The following PTPRT variants were observed in gnomAD, a reference collection of about 807,000 sequenced individuals.
PTPRT encodes the protein protein tyrosine phosphatase receptor type T.
Under a neutral mutation model 176.8 loss-of-function variants are expected in PTPRT, and 56 were observed. The observed-to-expected ratio is 0.32, with a 90% confidence interval of 0.26 to 0.40. PTPRT has a LOEUF of 0.40. Among genes scored for constraint, PTPRT ranks in the 10% least tolerant of loss-of-function variants. PTPRT has a pLI of 1.00. For missense variants in PTPRT, 1,540 were observed against 1,908.2 expected, an observed-to-expected ratio of 0.81 and a Z score of 3.60; for synonymous variants, 783 against 739.0, an observed-to-expected ratio of 1.06 and a Z score of -0.96.
chr20:42,070,303 G>A (rs767740542), downstream of PTPRT, among the ~76,000 whole-genome samples: 1 of 151,604 alleles, frequency 6.6e-6, no homozygotes, highest in Non-Finnish European at 1.5e-5. Context: ...AGTCAAACCA[G>A]AGCTACCAAT....
intron 21 of PTPRT, 73 bp from the exon 22 acceptor site, chr20:42,115,388 G>T: frequency 8.7e-7 from 1 of 1,149,460 alleles, no homozygotes. Flanking sequence ...CTGAGTGTGA[G>T]CAGCTGTCTC....
chr20:42,904,599 G>A (rs2079449614), intron 1 of PTPRT, among the ~76,000 whole-genome samples: 1 of 152,146 alleles, frequency 6.6e-6, no homozygotes, highest in South Asian at 2.1e-4. Flanking sequence ...GGAAGTGCTG[G>A]GAAGAGAAGG....
At chr20:42,893,864 G>A (rs1473077960) in intron 1 of PTPRT, among the ~76,000 whole-genome samples, 9 of 151,792 alleles carry the variant, frequency 5.9e-5, no homozygotes, top group Non-Finnish European at 1.3e-4. Context: ...ACTGTTGTGG[G>A]GTGGGGGGAG....
chr20:42,522,221 T>A (rs1216176102), intron 7 of PTPRT, among the ~76,000 whole-genome samples: 1 of 150,310 alleles, frequency 6.7e-6, no homozygotes, highest in Non-Finnish European at 1.5e-5. Flanking sequence ...CAGGCACTAG[T>A]GGTTGTGTGA....
chr20:42,888,358 AAAG>A (rs2079136227), intron 1 of PTPRT, among the ~76,000 whole-genome samples: 1 of 152,106 alleles, frequency 6.6e-6, no homozygotes, highest in South Asian at 2.1e-4. Flanking sequence ...CCAAAGAAAG[AAAG>A]AAGAAGCATA....
At chr20:42,348,558 T>C (rs1347376001) in intron 11 of PTPRT, among the ~76,000 whole-genome samples, 2 of 152,166 alleles carry the variant, frequency 1.3e-5, no homozygotes, top group Non-Finnish European at 2.9e-5. Context: ...TCAACTGACT[T>C]AGCTTCTGTT....
At chr20:42,316,618 A>C (rs932045650) in intron 11 of PTPRT, among the ~76,000 whole-genome samples, 1 of 152,186 alleles carries the variant, frequency 6.6e-6, no homozygotes, top group Non-Finnish European at 1.5e-5. Flanking sequence ...TGAACTCCTA[A>C]TCTTGGCATT....
At chr20:42,934,287 AAAC>A (rs2145978365) in intron 1 of PTPRT, among the ~76,000 whole-genome samples, 1 of 152,360 alleles carries the variant, frequency 6.6e-6, no homozygotes, top group South Asian at 2.1e-4. Flanking sequence ...TAGCTGAGGG[AAAC>A]AACAAGAGTA....
At chr20:42,904,718 C>T (rs1197773607) in intron 1 of PTPRT, among the ~76,000 whole-genome samples, 1 of 152,106 alleles carries the variant, frequency 6.6e-6, no homozygotes, top group Admixed American at 6.5e-5. Context: ...CACCACACCC[C>T]CATCCTGTGC....
chr20:43,137,245 G>T (rs1285778944), intron 1 of PTPRT, among the ~76,000 whole-genome samples: 1 of 152,146 alleles, frequency 6.6e-6, no homozygotes, highest in African/African-American at 2.4e-5. Context: ...AATGACAGAG[G>T]TCTCCTGACC....
At chr20:42,597,231 G>T (rs2073686941) in intron 7 of PTPRT, among the ~76,000 whole-genome samples, 1 of 152,150 alleles carries the variant, frequency 6.6e-6, no homozygotes, top group Non-Finnish European at 1.5e-5. Context: ...CTTTTAAAAT[G>T]TCTCAGTTGA....
chr20:42,605,688 C>A (rs1367741870), intron 7 of PTPRT, among the ~76,000 whole-genome samples: 1 of 152,204 alleles, frequency 6.6e-6, no homozygotes, highest in Non-Finnish European at 1.5e-5. Flanking sequence ...AAAGACCGAT[C>A]TGCACAGGAA....
At chr20:42,705,660 T>G (rs1019718908) in intron 6 of PTPRT, among the ~76,000 whole-genome samples, 1 of 152,186 alleles carries the variant, frequency 6.6e-6, no homozygotes, top group African/African-American at 2.4e-5. Context: ...ACTTGTCACC[T>G]GCACAATGCT....
chr20:42,585,183 G>C (rs1440230748), intron 7 of PTPRT, among the ~76,000 whole-genome samples: 1 of 152,122 alleles, frequency 6.6e-6, no homozygotes, highest in East Asian at 1.9e-4. Flanking sequence ...TAAGTTCCTT[G>C]ACAGCAGGGG....
chr20:42,911,835 A>G (rs1310433878), intron 1 of PTPRT, among the ~76,000 whole-genome samples: 1 of 152,184 alleles, frequency 6.6e-6, no homozygotes, highest in Non-Finnish European at 1.5e-5. Context: ...AACCAGAATG[A>G]ACATAAATCT....
chr20:42,465,999 C>G (rs1022916074), intron 8 of PTPRT, among the ~76,000 whole-genome samples: 1 of 152,180 alleles, frequency 6.6e-6, no homozygotes, highest in Non-Finnish European at 1.5e-5. Context: ...TTGTTCAGCT[C>G]CCACTTACAA....
At chr20:42,864,500 C>G (rs765235059) in intron 2 of PTPRT, among the ~76,000 whole-genome samples, 12 of 152,156 alleles carry the variant, frequency 7.9e-5, no homozygotes, top group Non-Finnish European at 1.8e-4. Context: ...CATGGGTCCA[C>G]GCACCAAACA....
intron 1 of PTPRT, among the ~76,000 whole-genome samples, chr20:42,957,502 T>C (rs1568700681): frequency 6.6e-6 from 1 of 152,152 alleles, no homozygotes; most frequent in African/African-American, 2.4e-5. Flanking sequence ...CAGAGCATAC[T>C]TTCTCTCCTC....
At chr20:42,046,805 G>GTGTC in the PTPRT span, among the ~76,000 whole-genome samples, 2 of 152,012 alleles carry the variant, frequency 1.3e-5, no homozygotes, top group Admixed American at 1.3e-4. Context: ...GTCTGTGTCT[G>GTGTC]TGTGTTGTAG....
Sources: gnomAD v4.1 joint callset for allele counts (sites outside exome capture counted in the v4.1 genomes callset) on GRCh38, gnomAD v4.1.1 for gene constraint, MANE v1.5 for transcripts, NCBI Gene and HGNC (gene_info 2026-07-23, HGNC 2026-07-21) for gene names.